QTMAN: variants seen among roughly 807,000 people sequenced by gnomAD.
The protein encoded by QTMAN is tRNA-queuosine alpha-mannosyltransferase.
chr2:144,127,224 T>A, the QTMAN span, among the ~76,000 whole-genome samples: 1 of 151,958 alleles, frequency 6.6e-6, no homozygotes, highest in African/African-American at 2.4e-5. Flanking sequence ...TTATTGATCA[T>A]AACAGCCCTC....
At chr2:144,295,352 A>G in the QTMAN span, 6 of 152,106 alleles carry the variant, frequency 3.9e-5, no homozygotes, top group East Asian at 1.2e-3. Context: ...CAGATGCCAT[A>G]TTTTCACTAA....
the QTMAN span, among the ~76,000 whole-genome samples, chr2:144,099,993 C>G: frequency 6.6e-6 from 1 of 152,178 alleles, no homozygotes; most frequent in African/African-American, 2.4e-5. Flanking sequence ...AATAGTCTGT[C>G]TCACTCTTAA....
the QTMAN span, among the ~76,000 whole-genome samples, chr2:144,251,608 C>T: frequency 6.6e-6 from 1 of 151,966 alleles, no homozygotes; most frequent in Non-Finnish European, 1.5e-5. Context: ...AAACATAAAA[C>T]ATAAAACTAT....
the QTMAN span, among the ~76,000 whole-genome samples, chr2:144,309,040 G>A: frequency 6.6e-6 from 1 of 152,198 alleles, no homozygotes; most frequent in Non-Finnish European, 1.5e-5. Flanking sequence ...CTGGTAATCA[G>A]AAAAATGCAA....
chr2:144,251,968 G>A, the QTMAN span, among the ~76,000 whole-genome samples: 10 of 152,028 alleles, frequency 6.6e-5, no homozygotes, highest in East Asian at 1.9e-3. Flanking sequence ...GGTGGAGGTG[G>A]AAGGACTGCT....
At chr2:144,300,803 AAAT>A in the QTMAN span, among the ~76,000 whole-genome samples, 15 of 152,294 alleles carry the variant, frequency 9.8e-5, no homozygotes, top group Non-Finnish European at 1.8e-4. Context: ...AAAGGAAAAA[AAAT>A]AATAACTCAA....
chr2:144,251,164 A>G, the QTMAN span, among the ~76,000 whole-genome samples: 2 of 152,144 alleles, frequency 1.3e-5, no homozygotes, highest in Non-Finnish European at 2.9e-5. Context: ...TTTTGCTAAA[A>G]TAATTACAAA....
chr2:143,945,633 C>A, the QTMAN span: 31 of 152,206 alleles, frequency 2.0e-4, no homozygotes, highest in African/African-American at 7.2e-4. Flanking sequence ...TCTTAGATGC[C>A]TGCTAGGCCA....
the QTMAN span, among the ~76,000 whole-genome samples, chr2:144,013,559 A>G: frequency 6.6e-6 from 1 of 152,216 alleles, no homozygotes; most frequent in African/African-American, 2.4e-5. Context: ...TCTAAAAGAA[A>G]GCAGGAGAAT....
At chr2:144,332,724 C>A in the QTMAN span, among the ~76,000 whole-genome samples, 4 of 151,968 alleles carry the variant, frequency 2.6e-5, no homozygotes, top group African/African-American at 7.2e-5. Context: ...CCCGCGGGCT[C>A]GGCTCCTCGC....
chr2:144,184,935 A>G, the QTMAN span, among the ~76,000 whole-genome samples: 1 of 152,188 alleles, frequency 6.6e-6, no homozygotes, highest in South Asian at 2.1e-4. Flanking sequence ...GTAAATAGCT[A>G]TATGATACGG....
chr2:144,317,271 G>A, the QTMAN span, among the ~76,000 whole-genome samples: 1 of 152,040 alleles, frequency 6.6e-6, no homozygotes, highest in Non-Finnish European at 1.5e-5. Flanking sequence ...CAGGGATTTT[G>A]AGGTTGGAGG....
At chr2:144,154,310 G>A in the QTMAN span, among the ~76,000 whole-genome samples, 16 of 152,230 alleles carry the variant, frequency 1.1e-4, no homozygotes, top group South Asian at 2.9e-3. Flanking sequence ...ATGCAGGAGC[G>A]AGCCTCCTGG....
the QTMAN span, among the ~76,000 whole-genome samples, chr2:144,329,393 T>C: frequency 2.6e-5 from 4 of 152,092 alleles, no homozygotes; most frequent in Admixed American, 2.0e-4. Flanking sequence ...ATTTAAAATA[T>C]CATTTGGGAC....
the QTMAN span, among the ~76,000 whole-genome samples, chr2:144,183,299 T>C: frequency 6.6e-6 from 1 of 152,128 alleles, no homozygotes; most frequent in Non-Finnish European, 1.5e-5. Flanking sequence ...TTACAAGATA[T>C]TCATCTATTT....
chr2:143,957,244 C>G, the QTMAN span: 43 of 1,612,032 alleles, frequency 2.7e-5, no homozygotes, highest in Middle Eastern at 1.6e-4. Flanking sequence ...ACAACATCAG[C>G]CATGCACAGT....
chr2:144,129,954 A>C, the QTMAN span, among the ~76,000 whole-genome samples: 3 of 151,908 alleles, frequency 2.0e-5, no homozygotes, highest in South Asian at 2.1e-4. Context: ...ACCAAACTTA[A>C]GGAAAGCATA....
the QTMAN span, among the ~76,000 whole-genome samples, chr2:144,195,263 G>A: frequency 2.0e-5 from 3 of 151,978 alleles, no homozygotes; most frequent in Admixed American, 6.6e-5. Flanking sequence ...GCTGAAAGAT[G>A]TCACAGCAAA....
the QTMAN span, among the ~76,000 whole-genome samples, chr2:144,268,554 G>T: frequency 6.6e-6 from 1 of 152,136 alleles, no homozygotes; most frequent in Admixed American, 6.6e-5. Context: ...CCAGACAAAG[G>T]ATCTGCTAGC....
Sources: allele counts gnomAD v4.1 joint callset (sites outside exome capture counted in the v4.1 genomes callset), GRCh38; gene constraint gnomAD v4.1.1; transcripts MANE v1.5; gene names NCBI Gene and HGNC (gene_info 2026-07-23, HGNC 2026-07-21).